The following PCYOX1 variants were observed in gnomAD, a reference collection of about 807,000 sequenced individuals.
The protein encoded by PCYOX1 is prenylcysteine lyase.
Under a neutral mutation model 46.4 loss-of-function variants are expected in PCYOX1, and 46 were observed. That is an observed-to-expected ratio of 0.99 (90% CI 0.78 to 1.27). The LOEUF is 1.27. Ranked by LOEUF, PCYOX1 falls within the 50% of genes most tolerant of loss-of-function variation. The pLI, the probability that PCYOX1 is intolerant of heterozygous loss-of-function variation, is 0.00. For synonymous variants in PCYOX1, 220 were observed against 231.8 expected (o/e 0.95, Z 0.46); for missense variants, 658 against 628.3 (o/e 1.05, Z -0.51).
rs199985130 is a variant in PCYOX1 at position 70,264,267 on chromosome 2, G to GT, written c.494+2892dup. Among the ~76,000 whole-genome samples, 842 of 144,528 alleles carry GT rather than the reference G, an allele frequency of 5.8e-3. 2 individuals are homozygous for GT. Among genetic ancestry groups the GT allele is most frequent in the Middle Eastern group, 0.018 (5 of 274 alleles). 94.8% of individuals were successfully genotyped at this position (144,528 alleles called of 152,430 possible). On this transcript the variant is annotated intron_variant, in intron 3 of 5. Transcript: ENST00000433351. Reference sequence around the variant, plus strand: ...GTTGTGAGCTCCTGTTCCCAGCCTTGTTTTTTTTTTTATCTGTGGCTTGCT... The same window carrying GT: ...GTTGTGAGCTCCTGTTCCCAGCCTTGTTTTTTTTTTTTATCTGTGGCTTGCT...
In PCYOX1 at chr2:70,277,195, C is replaced by A; in HGVS notation, c.1321C>A (p.Pro441Thr). Reference protein sequence around the residue: ...KPWLAYPHYKPPEKCPSIILH... With the variant: ...KPWLAYPHYKTPEKCPSIILH... ...ATGGCTTGCATATCCTCACTATAAGCCCCCGGAGAAATGCCCCTCTATCAT... is the reference window on the plus strand; with the variant it reads ...ATGGCTTGCATATCCTCACTATAAGACCCCGGAGAAATGCCCCTCTATCAT... The change falls in exon 6 of 6, where the codon CCC becomes ACC. Residue 441 changes from proline (P) to threonine (T), a missense_variant. Transcript: ENST00000433351. 6.2e-7 allele frequency: 1 copy of A among 1,614,010 alleles called. No individual in the cohort carries two copies.
intron 2 of PCYOX1, among the ~76,000 whole-genome samples, chr2:70,260,625 G>A (rs1017107985): frequency 1.3e-5 from 2 of 152,258 alleles, no homozygotes; most frequent in African/African-American, 4.8e-5. Context: ...TGCAACTGCT[G>A]CCCTGACAGC....
At chr2:70,267,732 G>C (rs1158728698) in intron 3 of PCYOX1, among the ~76,000 whole-genome samples, 1 of 151,850 alleles carries the variant, frequency 6.6e-6, no homozygotes, top group Non-Finnish European at 1.5e-5. Context: ...GAGTCGAGAT[G>C]GCAGCAGTAC....
chr2:70,270,081 A>G (rs1696582136), intron 3 of PCYOX1, among the ~76,000 whole-genome samples: 1 of 150,958 alleles, frequency 6.6e-6, no homozygotes, highest in South Asian at 2.1e-4. Context: ...TGCAACCTCC[A>G]TCTCCTGGGT....
chr2:70,261,695 A>C (rs962785955), intron 3 of PCYOX1, among the ~76,000 whole-genome samples: 5 of 152,218 alleles, frequency 3.3e-5, no homozygotes, highest in Admixed American at 2.6e-4. Context: ...TTCTTTAAAC[A>C]GATGCAGAAG....
intron 3 of PCYOX1, among the ~76,000 whole-genome samples, chr2:70,270,477 C>G (rs956057315): frequency 2.0e-5 from 3 of 152,322 alleles, no homozygotes; most frequent in African/African-American, 7.2e-5. Context: ...ACATTTCTGG[C>G]TGTACCACTC....
chr2:70,269,495 C>G (rs1247669404), intron 3 of PCYOX1, among the ~76,000 whole-genome samples: 1 of 152,100 alleles, frequency 6.6e-6, no homozygotes, highest in Non-Finnish European at 1.5e-5. Flanking sequence ...ACCACCAACC[C>G]TGGCTAATTT....
At chr2:70,258,862 C>A (rs1013027361) in intron 1 of PCYOX1, among the ~76,000 whole-genome samples, 1 of 152,266 alleles carries the variant, frequency 6.6e-6, no homozygotes, top group Non-Finnish European at 1.5e-5. Context: ...TCTCTTTCCA[C>A]TGTCAAGAGC....
At chr2:70,263,243 A>T (rs2104890555) in intron 3 of PCYOX1, among the ~76,000 whole-genome samples, 1 of 151,730 alleles carries the variant, frequency 6.6e-6, no homozygotes, top group East Asian at 1.9e-4. Context: ...AAAAAAAAAA[A>T]AGAAAGCTAA....
rs1696400293 is a variant in PCYOX1 at position 70,259,362 on chromosome 2, A to G, written c.115A>G (p.Ile39Val). 6.2e-7 allele frequency: 1 copy of G among 1,613,446 alleles called. No individual in the cohort carries two copies. Among genetic ancestry groups the G allele is most frequent in the Non-Finnish European group, 8.5e-7 (1 of 1,179,624 alleles). Residue 39 changes from isoleucine to valine, a missense_variant and splice_region_variant, in exon 2 of 6, where the codon ATT becomes GTT. Coordinates refer to ENST00000433351, the MANE Select transcript of PCYOX1 (RefSeq NM_016297.4). ...TCTTCTGTTTTTTTCCCTCATAGCG[A>G]TTATTGGAGCCGGAATTGGTGGCAC... ...ELRAPPDKIA[I>V]IGAGIGGTSA...
At chr2:70,273,313 AGACTG>A (rs1354220414) in intron 3 of PCYOX1, among the ~76,000 whole-genome samples, 4 of 152,184 alleles carry the variant, frequency 2.6e-5, no homozygotes, top group African/African-American at 9.7e-5. Flanking sequence ...AGTCTCCTAA[AGACTG>A]GGACCCAAAT....
At position 70,278,580 on chromosome 2, in the gene PCYOX1, T is replaced by G. The variant is rs2104902790; in HGVS notation, c.*1188T>G. 1.3e-5 allele frequency: 2 copies of G among 152,346 alleles called. No homozygotes were observed. Among genetic ancestry groups the G allele is most frequent in the South Asian group, 4.1e-4 (2 of 4,826 alleles). The allele number at this position is 152,346 out of a possible 1,614,324, so 9.4% of individuals were successfully genotyped here. ...CAGAATACTTGGAATGACACCAAAG[T>G]TAACCAAGTCCAGCATATGTCCAAA... On this transcript the variant is annotated 3_prime_UTR_variant, in exon 6 of 6. Coordinates refer to ENST00000433351, the MANE Select transcript of PCYOX1 (RefSeq NM_016297.4).
At position 70,277,211 on chromosome 2, in the gene PCYOX1, C is replaced by T. The variant is rs1696684796; in HGVS notation, c.1337C>T (p.Pro446Leu). 2 of 1,613,910 alleles carry T rather than the reference C, an allele frequency of 1.2e-6. No individual in the cohort carries two copies. The highest frequency in any genetic ancestry group is 1.3e-5 in the African/African-American group (1 of 74,904). The part of the protein sequence containing the change: ...YPHYKPPEKC[P>L]SIILHDRLYY... ...CACTATAAGCCCCCGGAGAAATGCC[C>T]CTCTATCATTCTCCATGATCGACTT... is the stretch of plus-strand genomic sequence containing the variant. The change falls in exon 6 of 6, where the codon CCC (proline) becomes CTC (leucine). Residue 446 changes from proline (P) to leucine (L), a missense_variant. Pro to Leu is a moderately conservative substitution (Grantham distance 98). Transcript: ENST00000433351.
At chr2:70,267,396 G>A (rs962973375) in intron 3 of PCYOX1, among the ~76,000 whole-genome samples, 2 of 152,152 alleles carry the variant, frequency 1.3e-5, no homozygotes, top group African/African-American at 2.4e-5. Context: ...TGGCGGCTGG[G>A]CAGAGGCTGC....
rs1696715299 is a variant in PCYOX1, at chr2:70,278,258, G to A, written c.*866G>A. 1 of 152,642 alleles carries A rather than the reference G, an allele frequency of 6.6e-6. No homozygotes were observed. The highest frequency in any genetic ancestry group is 1.5e-5 in the Non-Finnish European group (1 of 68,050). 9.5% of individuals were successfully genotyped at this position (152,642 alleles called of 1,614,324 possible). On this transcript the variant is annotated 3_prime_UTR_variant, in exon 6 of 6. Transcript: ENST00000433351. ...ATACTGAGACCCCCCCATAACCAGA[G>A]ATTCAGATTCAAAGACTGAGGATAG...
rs1340541875 is a variant in PCYOX1, at chr2:70,277,065, A to G, written c.1191A>G (p.Pro397=). ...PSVREKEDPE[P]STDGTYVWKI... ...TGAGAGAAAAGGAAGATCCTGAGCC[A>G]TCAACAGATGGAACATATGTTTGGA... Residue 397 remains proline (P), a synonymous_variant, in exon 6 of 6, where the codon CCA becomes CCG. Transcript: ENST00000433351. The G allele has an allele frequency of 6.2e-7, 1 of 1,613,414 alleles. No homozygotes were observed.
In PCYOX1 at chr2:70,258,157, T is replaced by A. The variant is rs749843879; in HGVS notation, c.-8T>A. 6.3e-7 allele frequency: 1 copy of A among 1,588,178 alleles called. No homozygotes were observed. Among genetic ancestry groups the A allele is most frequent in the Non-Finnish European group, 8.5e-7 (1 of 1,172,764 alleles). On this transcript the variant is annotated 5_prime_UTR_variant, in exon 1 of 6. Transcript: ENST00000433351. Reference sequence around the variant, plus strand: ...CTCTTGAGGCCAGCTGCAGAGCTTGTGGAGGCCATGGGGCGCGTCGTCGCG... The same window carrying A: ...CTCTTGAGGCCAGCTGCAGAGCTTGAGGAGGCCATGGGGCGCGTCGTCGCG...
intron 3 of PCYOX1, among the ~76,000 whole-genome samples, chr2:70,261,982 G>A (rs577125747): frequency 1.3e-5 from 2 of 152,220 alleles, no homozygotes; most frequent in South Asian, 2.1e-4. Context: ...GCACTGTTTT[G>A]GGTAGTGAGA....
At position 70,258,169 on chromosome 2, in the gene PCYOX1, G is replaced by C; in HGVS notation, c.5G>C (p.Gly2Ala). M[G>A]RVVAELVSSL... ...GCTGCAGAGCTTGTGGAGGCCATGGGGCGCGTCGTCGCGGAGCTCGTCTCC... is the reference window on the plus strand; with the variant it reads ...GCTGCAGAGCTTGTGGAGGCCATGGCGCGCGTCGTCGCGGAGCTCGTCTCC... Residue 2 changes from glycine (G) to alanine (A), a missense_variant, in exon 1 of 6, where the codon GGG becomes GCG. Transcript: ENST00000433351. 1 of 1,594,956 alleles carries C rather than the reference G, an allele frequency of 6.3e-7. No homozygotes were observed. Among genetic ancestry groups the C allele is most frequent in the Non-Finnish European group, 8.5e-7 (1 of 1,175,870 alleles).
Sources: gnomAD v4.1 joint callset for allele counts (sites outside exome capture counted in the v4.1 genomes callset) on GRCh38, gnomAD v4.1.1 for gene constraint, MANE v1.5 for transcripts, NCBI Gene and HGNC (gene_info 2026-07-23, HGNC 2026-07-21) for gene names.